FOXP2: variants seen among roughly 807,000 people sequenced by gnomAD.
FOXP2 encodes forkhead box P2.
FOXP2 carries 12 observed loss-of-function variants against 115.8 expected under a neutral mutation model. The observed-to-expected ratio is 0.10, with a 90% confidence interval of 0.07 to 0.17. FOXP2 has a LOEUF of 0.17. FOXP2 is among the 10% of genes least tolerant of loss of function. The probability of loss-of-function intolerance (pLI) is 1.00; values close to 1 mark genes in which losing one functional copy is unlikely to be tolerated. For synonymous variants in FOXP2, 328 were observed against 297.7 expected, an observed-to-expected ratio of 1.10 and a Z score of -1.05; for missense variants, 629 against 843.5, an observed-to-expected ratio of 0.75 and a Z score of 3.15.
intron 2 of FOXP2, among the ~76,000 whole-genome samples, chr7:114,393,123 G>A (rs1444840190): frequency 1.3e-5 from 2 of 152,068 alleles, no homozygotes; most frequent in African/African-American, 4.8e-5. Context: ...TAGAATATCA[G>A]GGTGATGTGC....
chr7:114,249,208 T>C (rs1040063166), intron 1 of FOXP2, among the ~76,000 whole-genome samples: 1 of 152,128 alleles, frequency 6.6e-6, no homozygotes, highest in Non-Finnish European at 1.5e-5. Flanking sequence ...CTTTCTATTT[T>C]ATTTTATTTT....
chr7:114,108,079 T>C (rs913047006), intron 1 of FOXP2, among the ~76,000 whole-genome samples: 1 of 151,964 alleles, frequency 6.6e-6, no homozygotes, highest in African/African-American at 2.4e-5. Context: ...TAAAAGTTTT[T>C]CCCTGCATCT....
chr7:114,626,231 A>G (rs974598934), intron 3 of FOXP2, among the ~76,000 whole-genome samples: 1 of 151,764 alleles, frequency 6.6e-6, no homozygotes, highest in African/African-American at 2.4e-5. Flanking sequence ...GAATATGAAG[A>G]TAGAAAACTT....
At chr7:114,376,872 G>T (rs1792150897) in intron 2 of FOXP2, among the ~76,000 whole-genome samples, 1 of 152,168 alleles carries the variant, frequency 6.6e-6, no homozygotes, top group Non-Finnish European at 1.5e-5. Context: ...GAAGAGGTGA[G>T]GTGGAGTCAA....
chr7:114,445,911 TG>T (rs530239703), intron 2 of FOXP2, among the ~76,000 whole-genome samples: 40 of 152,244 alleles, frequency 2.6e-4, no homozygotes, highest in African/African-American at 9.4e-4. Context: ...TAATGAGCAG[TG>T]GTCCCATTCA....
chr7:114,663,574 T>C (rs1304605967), intron 15 of FOXP2, 55 bp downstream of exon 15: 14 of 1,363,162 alleles, frequency 1.0e-5, no homozygotes, highest in Middle Eastern at 1.8e-4. Context: ...TTTTTTTTTT[T>C]TTTGGCATGT....
At chr7:114,570,747 T>C in intron 3 of FOXP2, 1 of 1,258,358 alleles carries the variant, frequency 7.9e-7, no homozygotes, top group Non-Finnish European at 1.2e-6. Flanking sequence ...ATGTACGTTA[T>C]TAGCACAAGC....
chr7:114,611,031 T>C (rs1233410807), intron 3 of FOXP2, among the ~76,000 whole-genome samples: 3 of 152,188 alleles, frequency 2.0e-5, no homozygotes, highest in Non-Finnish European at 4.4e-5. Flanking sequence ...TGAAATTCTG[T>C]GTGTAAGACA....
intron 2 of FOXP2, among the ~76,000 whole-genome samples, chr7:114,495,481 C>T (rs112861476): frequency 0.011 from 931 of 81,708 alleles, 6 homozygotes; most frequent in African/African-American, 0.017. Context: ...CTTTCTCTCT[C>T]TCTTTTTTTT....
intron 2 of FOXP2, among the ~76,000 whole-genome samples, chr7:114,490,356 T>C (rs1331132567): frequency 6.6e-6 from 1 of 152,100 alleles, no homozygotes; most frequent in East Asian, 1.9e-4. Context: ...TACAACATCC[T>C]GGAAAGAGCA....
intron 1 of FOXP2, among the ~76,000 whole-genome samples, chr7:114,235,186 C>G (rs550647545): frequency 2.0e-5 from 3 of 151,676 alleles, no homozygotes; most frequent in Non-Finnish European, 4.4e-5. Flanking sequence ...TGCTCCCTTT[C>G]TTTTTATAAC....
intron 13 of FOXP2, among the ~76,000 whole-genome samples, chr7:114,661,278 G>A (rs1228716990): frequency 1.3e-5 from 2 of 152,004 alleles, no homozygotes; most frequent in Non-Finnish European, 2.9e-5. Context: ...TGTAAATTAT[G>A]TGGTCTACTG....
intron 2 of FOXP2, among the ~76,000 whole-genome samples, chr7:114,456,253 A>T (rs1795308300): frequency 6.6e-6 from 1 of 152,228 alleles, no homozygotes; most frequent in African/African-American, 2.4e-5. Context: ...AAAAGGGAAG[A>T]TAATGCTAGA....
intron 1 of FOXP2, among the ~76,000 whole-genome samples, chr7:114,097,910 T>C (rs1483220892): frequency 6.6e-6 from 1 of 152,176 alleles, no homozygotes; most frequent in African/African-American, 2.4e-5. Flanking sequence ...GCAAAACAAA[T>C]AATTGAAGAA....
intron 3 of FOXP2, among the ~76,000 whole-genome samples, chr7:114,576,204 A>G (rs1192095129): frequency 6.6e-6 from 1 of 151,960 alleles, no homozygotes; most frequent in Non-Finnish European, 1.5e-5. Context: ...GAAACAGAAT[A>G]CAGGTTTTTG....
chr7:114,519,792 G>A (rs1362269153), intron 2 of FOXP2, among the ~76,000 whole-genome samples: 1 of 152,102 alleles, frequency 6.6e-6, no homozygotes, highest in Non-Finnish European at 1.5e-5. Flanking sequence ...ATTTCAAGCA[G>A]TGGCCATTTG....
At chr7:114,169,695 G>A (rs1324965207) in intron 1 of FOXP2, among the ~76,000 whole-genome samples, 2 of 150,558 alleles carry the variant, frequency 1.3e-5, no homozygotes, top group Non-Finnish European at 3.0e-5. Context: ...ATTTGGGAGG[G>A]GTCAGGGCTG....
chr7:114,227,009 A>C lies in FOXP2; in HGVS notation c.-101-61010A>C, dbSNP rs527739450. 2.6e-5 allele frequency among the ~76,000 whole-genome samples: 4 copies of C among 152,242 alleles called. No homozygotes were observed. The South Asian group carries it at 8.3e-4, about 32-fold the overall frequency. On this transcript the variant is annotated intron_variant, in intron 1 of 17. Coordinates refer to the FOXP2 transcript ENST00000634411. ...GTTGAACCACTGATATCATTGCTGG[A>C]GGGAAAAGTCAATCTTTTTCTCCCC... is the stretch of plus-strand genomic sequence containing the variant.
In FOXP2 at chr7:114,138,412, A is replaced by G. The variant is rs1396026490; in HGVS notation, c.-246-24532A>G. Among the ~76,000 whole-genome samples the G allele has an allele frequency of 1.7e-4, 25 of 144,426 alleles. No homozygotes were observed. The South Asian group carries it at 5.7e-3, about 33-fold the overall frequency. The allele number at this position is 144,426 out of a possible 152,430, so 94.7% of individuals were successfully genotyped here. A position where few individuals can be genotyped will look rare whatever the true frequency, so the allele number is the denominator to read the frequency against. ...CCTATTCTTTTTTTTTTTTTTTTGA[A>G]ACAGAGTCTCACACTGTCGCCTGGG... On this transcript the variant is annotated intron_variant, in intron 1 of 19. Coordinates refer to the FOXP2 transcript ENST00000635638.
Sources: allele counts gnomAD v4.1 joint callset (sites outside exome capture counted in the v4.1 genomes callset), GRCh38; gene constraint gnomAD v4.1.1; transcripts MANE v1.5; gene names NCBI Gene and HGNC (gene_info 2026-07-23, HGNC 2026-07-21).